Variants in ULK4 observed in about 807,000 individuals in gnomAD.
ULK4 encodes the protein unc-51 like kinase 4, also known as inactive serine/threonine-protein kinase ULK4.
A neutral mutation model predicts 160.6 loss-of-function variants in ULK4; 133 were observed. That is an observed-to-expected ratio of 0.83 (90% CI 0.72 to 0.96). ULK4 has a LOEUF of 0.96. Among genes scored for constraint, ULK4 ranks in the 40% least tolerant of loss-of-function variants. The pLI is 0.00. For missense variants in ULK4, 1,580 were observed against 1,499.5 expected (o/e 1.05, Z -0.89); for synonymous variants, 534 against 539.8 (o/e 0.99, Z 0.15).
chr3:41,477,023 T>C (rs2125892379), intron 32 of ULK4, among the ~76,000 whole-genome samples: 2 of 152,314 alleles, frequency 1.3e-5, no homozygotes, highest in South Asian at 4.1e-4. Flanking sequence ...GCATCTGGGA[T>C]AGTGTGCTAG....
intron 25 of ULK4, among the ~76,000 whole-genome samples, chr3:41,708,722 T>C (rs896122781): frequency 7.2e-5 from 11 of 152,166 alleles, no homozygotes; most frequent in African/African-American, 1.4e-4. Flanking sequence ...GTCCTGAAAA[T>C]TGGTAATAGA....
chr3:41,736,562 G>C (rs2038056832), intron 22 of ULK4, among the ~76,000 whole-genome samples: 1 of 151,880 alleles, frequency 6.6e-6, no homozygotes, highest in African/African-American at 2.4e-5. Context: ...TTGTAAACTT[G>C]TTTGAGTTCA....
chr3:41,666,900 T>G (rs1051848197), intron 29 of ULK4, among the ~76,000 whole-genome samples: 4 of 152,120 alleles, frequency 2.6e-5, no homozygotes, highest in African/African-American at 4.8e-5. Flanking sequence ...TCCCAGCACT[T>G]TGGGAGGCCA....
intron 31 of ULK4, among the ~76,000 whole-genome samples, chr3:41,572,462 A>G (rs989101412): frequency 6.6e-6 from 1 of 152,064 alleles, no homozygotes; most frequent in Admixed American, 6.6e-5. Flanking sequence ...AGAGCCCTCA[A>G]TGTTTTTCAT....
chr3:41,896,266 T>C (rs941631694), intron 15 of ULK4, among the ~76,000 whole-genome samples: 5 of 152,158 alleles, frequency 3.3e-5, no homozygotes, highest in African/African-American at 1.2e-4. Flanking sequence ...TTTATTTTTA[T>C]TTTTTGAGAT....
At chr3:41,773,013 T>A (rs955870851) in intron 21 of ULK4, among the ~76,000 whole-genome samples, 2 of 152,134 alleles carry the variant, frequency 1.3e-5, no homozygotes, top group African/African-American at 4.8e-5. Context: ...TTTGACAAAA[T>A]TCAACAATCC....
chr3:41,800,856 C>T (rs1357912772), intron 19 of ULK4, among the ~76,000 whole-genome samples: 1 of 152,068 alleles, frequency 6.6e-6, no homozygotes, highest in Admixed American at 6.6e-5. Flanking sequence ...AAAAAGTTAG[C>T]CTCAAAAAGA....
rs535633651 is a variant in ULK4 at position 41,783,417 on chromosome 3, A to AC, written c.2193+6243dup. Among the ~76,000 whole-genome samples, 14 of 151,894 alleles carry AC rather than the reference A, an allele frequency of 9.2e-5. No individual in the cohort carries two copies. The East Asian group carries it at 2.7e-3, about 29-fold the overall frequency. On this transcript the variant is annotated intron_variant, in intron 21 of 36. Coordinates refer to ENST00000301831, the MANE Select transcript of ULK4 (RefSeq NM_017886.4). ...CTAGGTGCAGTGGCTCATGCCTATAACCCCAGCTACTTGGGAGGCTGAGAC... is the reference window on the plus strand; with the variant it reads ...CTAGGTGCAGTGGCTCATGCCTATAACCCCCAGCTACTTGGGAGGCTGAGAC...
rs554983933 is a variant in ULK4 at position 41,849,803 on chromosome 3, C to T, written c.1657-13832G>A. Among the ~76,000 whole-genome samples, 79 of 152,158 alleles carry T rather than the reference C, an allele frequency of 5.2e-4. 1 individual carries two copies. Among genetic ancestry groups the T allele is most frequent in the African/African-American group, 1.6e-3 (66 of 41,514 alleles). On this transcript the variant is annotated intron_variant, in intron 17 of 36. Transcript: ENST00000301831. ...CAATTTTGATGTAAACCTAAAACTACATTTTTTTAAAGAATTTTTATTATT... is the reference window on the plus strand; with the variant it reads ...CAATTTTGATGTAAACCTAAAACTATATTTTTTTAAAGAATTTTTATTATT...
intron 32 of ULK4, among the ~76,000 whole-genome samples, chr3:41,527,055 A>G (rs2086143875): frequency 1.3e-5 from 2 of 152,222 alleles, no homozygotes; most frequent in Admixed American, 1.3e-4. Flanking sequence ...CTTTACATAC[A>G]TTATCTCATT....
intron 22 of ULK4, among the ~76,000 whole-genome samples, chr3:41,721,279 T>TTTTTTTTTTTTTGG (rs67078043): frequency 1.3e-4 from 13 of 98,916 alleles, no homozygotes; most frequent in East Asian, 2.8e-4. Flanking sequence ...TTTTTTTTTT[T>TTTTTTTTTTTTTGG]TTTTTGGGTT....
intron 31 of ULK4, 30 bp from the exon 32 acceptor site, chr3:41,566,160 C>T (rs770399862): frequency 7.7e-6 from 12 of 1,562,314 alleles, no homozygotes; most frequent in East Asian, 6.8e-5. Flanking sequence ...CCATCATAAC[C>T]ATACAGAAAT....
chr3:41,882,325 T>C (rs924588256), intron 17 of ULK4: 2 of 701,706 alleles, frequency 2.9e-6, no homozygotes, highest in Admixed American at 2.0e-5. Context: ...CAGGTGGTGA[T>C]ACATGCTGTG....
Position 41,469,611 on chromosome 3 carries a change from A to AAAAAAACAAAAC in ULK4, c.3227-6359_3227-6358insGTTTTGTTTTTT, listed in dbSNP as rs1335164891. ...GAAGGCCTACACCTGCCAAAAAAAA[A>AAAAAAACAAAAC]AAAAAAAAAAAAAAAACACCTTAAA... On this transcript the variant is annotated intron_variant, in intron 32 of 36. Coordinates refer to ENST00000301831, the MANE Select transcript of ULK4 (RefSeq NM_017886.4). Among the ~76,000 whole-genome samples the AAAAAAACAAAAC allele has an allele frequency of 2.1e-4, 30 of 145,942 alleles. 1 individual carries two copies. Among genetic ancestry groups the AAAAAAACAAAAC allele is most frequent in the African/African-American group, 7.7e-4 (30 of 38,826 alleles).
At chr3:41,498,843 C>T (rs1199843790) in intron 32 of ULK4, among the ~76,000 whole-genome samples, 1 of 152,142 alleles carries the variant, frequency 6.6e-6, no homozygotes, top group Admixed American at 6.6e-5. Context: ...GATTTGCCCA[C>T]CTCGGCTTCC....
chr3:41,576,410 C>T (rs142336586), intron 31 of ULK4, among the ~76,000 whole-genome samples: 162 of 152,306 alleles, frequency 1.1e-3, no homozygotes, highest in African/African-American at 3.6e-3. Context: ...CTTGAGGGCA[C>T]GACTGAGACT....
At chr3:41,527,673 T>C (rs2086167075) in intron 32 of ULK4, among the ~76,000 whole-genome samples, 1 of 152,234 alleles carries the variant, frequency 6.6e-6, no homozygotes, top group African/African-American at 2.4e-5. Flanking sequence ...TAATAGCACC[T>C]TCCTATCTAC....
chr3:41,481,602 C>T (rs1014557969), intron 32 of ULK4, among the ~76,000 whole-genome samples: 10 of 151,866 alleles, frequency 6.6e-5, no homozygotes, highest in African/African-American at 2.2e-4. Flanking sequence ...CCGAGGCGGG[C>T]GGATCACGAG....
chr3:41,803,946 A>G (rs1282940481), intron 19 of ULK4, among the ~76,000 whole-genome samples: 2 of 152,162 alleles, frequency 1.3e-5, no homozygotes, highest in East Asian at 1.9e-4. Flanking sequence ...CAATAAACAT[A>G]TGTGTGCATG....
Sources: gnomAD v4.1 joint callset for allele counts (sites outside exome capture counted in the v4.1 genomes callset) on GRCh38, gnomAD v4.1.1 for gene constraint, MANE v1.5 for transcripts, NCBI Gene and HGNC (gene_info 2026-07-23, HGNC 2026-07-21) for gene names.